TMEM117: variants seen among roughly 807,000 people sequenced by gnomAD.
The protein encoded by TMEM117 is transmembrane protein 117.
In TMEM117, 27 loss-of-function variants were observed where a neutral mutation model predicts 52.4. The observed-to-expected ratio is 0.51, with a 90% CI of 0.38 to 0.71. The LOEUF (loss-of-function observed/expected upper bound fraction) is 0.71, where lower values mean the gene tolerates loss of function less well. Among genes scored for constraint, TMEM117 ranks in the 30% least tolerant of loss-of-function variants. The pLI is 0.00. For missense variants in TMEM117, 556 were observed against 630.5 expected, an observed-to-expected ratio of 0.88 and a Z score of 1.26; for synonymous variants, 215 against 206.3, an observed-to-expected ratio of 1.04 and a Z score of -0.36.
At chr12:44,232,702 G>T (rs1020633308) in intron 5 of TMEM117, among the ~76,000 whole-genome samples, 2 of 151,280 alleles carry the variant, frequency 1.3e-5, no homozygotes, top group East Asian at 3.9e-4. Flanking sequence ...CACATTTTAA[G>T]AATTATGAAC....
chr12:44,317,774 G>A (rs535048265), intron 6 of TMEM117, among the ~76,000 whole-genome samples: 1 of 152,256 alleles, frequency 6.6e-6, no homozygotes, highest in South Asian at 2.1e-4. Context: ...AACGTGAACG[G>A]GTATATATTT....
chr12:43,857,708 T>G (rs1675770), intron 2 of TMEM117, among the ~76,000 whole-genome samples: 150,241 of 152,278 alleles, frequency 0.99, 74,158 homozygotes, highest in East Asian at 1. Context: ...TGATTTGAGA[T>G]GATGCTGCCA....
chr12:43,829,073 T>C, the TMEM117 span, among the ~76,000 whole-genome samples: 1 of 152,152 alleles, frequency 6.6e-6, no homozygotes, highest in Non-Finnish European at 1.5e-5. Context: ...AAGGGCATGC[T>C]ACTGTACCCA....
intron 6 of TMEM117, among the ~76,000 whole-genome samples, chr12:44,336,156 G>A (rs1216896133): frequency 6.6e-6 from 1 of 151,948 alleles, no homozygotes; most frequent in Admixed American, 6.6e-5. Context: ...GTGTTTAAAA[G>A]GACAGATTCT....
Position 43,873,339 on chromosome 12 carries a change from C to T in TMEM117, c.277+28411C>T, listed in dbSNP as rs182744352. On this transcript the variant is annotated intron_variant, in intron 2 of 7. Coordinates refer to ENST00000266534, the MANE Select transcript of TMEM117 (RefSeq NM_032256.3). Reference sequence around the variant, plus strand: ...TTTTAAAAGTTAAGTATTTGAGAATCCACTTTAATCAAAACCTTTTAGTAT... The same window carrying T: ...TTTTAAAAGTTAAGTATTTGAGAATTCACTTTAATCAAAACCTTTTAGTAT... 1.8e-3 allele frequency among the ~76,000 whole-genome samples: 279 copies of T among 152,166 alleles called. 2 individuals carry two copies. Among genetic ancestry groups the T allele is most frequent in the Middle Eastern group, 0.014 (4 of 294 alleles).
rs146778152 is a variant in TMEM117 at position 44,388,581 on chromosome 12, C to T, written c.1454C>T (p.Ser485Leu). The T allele has an allele frequency of 1.5e-5, 25 of 1,613,374 alleles. No homozygotes were observed. Among genetic ancestry groups the T allele is most frequent in the Admixed American group, 3.3e-5 (2 of 59,908 alleles). The change falls in exon 8 of 8, where the codon TCG becomes TTG. Residue 485 changes from serine to leucine, a missense_variant. Physicochemically the swap from Ser to Leu is moderately radical, Grantham distance 145. This residue lies in a region of TMEM117 where 206 missense variants were observed against 211.1 expected (regional missense o/e 0.98). Transcript: ENST00000266534. ...GTCTACAAGTCTTCCCACCTAACCT[C>T]GGAAAACTTGAGCTCACAGTTGAAC... ...EIVYKSSHLT[S>L]ENLSSQLNES...
At chr12:44,083,534 C>T (rs1592501640) in intron 3 of TMEM117, 1 of 151,230 alleles carries the variant, frequency 6.6e-6, no homozygotes, top group East Asian at 1.9e-4. Flanking sequence ...TCTTGAGTAG[C>T]TGGGAGTACA....
At chr12:44,022,971 T>C (rs1157880483) in intron 3 of TMEM117, among the ~76,000 whole-genome samples, 2 of 152,160 alleles carry the variant, frequency 1.3e-5, no homozygotes, top group African/African-American at 4.8e-5. Context: ...ATTATCAGAC[T>C]CCAGTTCAGT....
intron 3 of TMEM117, among the ~76,000 whole-genome samples, chr12:44,118,214 G>A (rs1223319479): frequency 6.6e-6 from 1 of 152,040 alleles, no homozygotes; most frequent in Non-Finnish European, 1.5e-5. Context: ...ATAAATAAAA[G>A]GACAATATTT....
intron 5 of TMEM117, among the ~76,000 whole-genome samples, chr12:44,252,711 T>G (rs534150213): frequency 3.3e-5 from 5 of 152,288 alleles, no homozygotes; most frequent in Non-Finnish European, 5.9e-5. Flanking sequence ...ATGGAATCCC[T>G]TTATCAGTTA....
Position 44,289,222 on chromosome 12 carries a change from A to T in TMEM117, c.609-10358A>T, listed in dbSNP as rs898258872. Among the ~76,000 whole-genome samples the T allele has an allele frequency of 2.7e-4, 33 of 121,354 alleles. No individual in the cohort carries two copies. The East Asian group carries it at 9.6e-3, about 35-fold the overall frequency. 79.6% of individuals were successfully genotyped at this position (121,354 alleles called of 152,430 possible). A position where few individuals can be genotyped will look rare whatever the true frequency, so the allele number is the denominator to read the frequency against. ...CTCTTTTAAGGCTGAATACTATCCC[A>T]TTTTGTGTGTGTGTGTGTGTGTGTG... On this transcript the variant is annotated intron_variant, in intron 5 of 7. Transcript: ENST00000266534.
intron 3 of TMEM117, among the ~76,000 whole-genome samples, chr12:44,125,450 G>A (rs1948309240): frequency 6.6e-6 from 1 of 152,138 alleles, no homozygotes; most frequent in South Asian, 2.1e-4. Flanking sequence ...AAGATGTGTA[G>A]TCCAGGAATT....
At chr12:44,092,767 C>A (rs1947695876) in intron 3 of TMEM117, among the ~76,000 whole-genome samples, 1 of 152,216 alleles carries the variant, frequency 6.6e-6, no homozygotes, top group Non-Finnish European at 1.5e-5. Context: ...CATTCTTTCA[C>A]CAGTAGTTTT....
intron 5 of TMEM117, among the ~76,000 whole-genome samples, chr12:44,276,652 A>G (rs1387089549): frequency 6.6e-6 from 1 of 152,164 alleles, no homozygotes; most frequent in African/African-American, 2.4e-5. Flanking sequence ...CTCCCAAAAA[A>G]ATAAGTCTGA....
rs181283827 is a variant in TMEM117 at position 44,009,653 on chromosome 12, G to A, written c.410+65311G>A. 24 of 238,404 alleles carry A rather than the reference G, an allele frequency of 1.0e-4. 1 individual carries two copies. The Middle Eastern group carries it at 0.012, about 119-fold the overall frequency. The allele number at this position is 238,404 out of a possible 1,614,324, so 14.8% of individuals were successfully genotyped here. On this transcript the variant is annotated intron_variant, in intron 3 of 7. Transcript: ENST00000266534. ...GAACACTCGCTTTGGTTAGGGCTCC[G>A]CTGGTTTATACTTGAAGTCTGGGGT...
chr12:43,900,701 G>C (rs1592346040), intron 2 of TMEM117, among the ~76,000 whole-genome samples: 1 of 139,680 alleles, frequency 7.2e-6, no homozygotes, highest in Non-Finnish European at 1.5e-5. Flanking sequence ...CTGGGCGACA[G>C]AGTGAGACTT....
chr12:44,299,935 C>T (rs1950818689), intron 6 of TMEM117, among the ~76,000 whole-genome samples, 196 bp downstream of exon 6: 1 of 152,064 alleles, frequency 6.6e-6, no homozygotes, highest in Admixed American at 6.5e-5. Flanking sequence ...AGAGGGGCAC[C>T]AAAAATGTAT....
chr12:43,952,720 T>A (rs1945244202), intron 3 of TMEM117, among the ~76,000 whole-genome samples: 1 of 152,094 alleles, frequency 6.6e-6, no homozygotes, highest in East Asian at 1.9e-4. Flanking sequence ...AAAACACACT[T>A]CAGGATATCA....
chr12:44,343,754 T>C (rs934160708), intron 6 of TMEM117, among the ~76,000 whole-genome samples: 3 of 152,288 alleles, frequency 2.0e-5, no homozygotes, highest in African/African-American at 2.4e-5. Flanking sequence ...TAAAATAAAA[T>C]GTTAAAATCA....
Sources: gnomAD v4.1 joint callset for allele counts (sites outside exome capture counted in the v4.1 genomes callset) on GRCh38, gnomAD v4.1.1 for gene constraint, gnomAD v4.1.1 regional missense constraint, MANE v1.5 for transcripts, NCBI Gene and HGNC (gene_info 2026-07-23, HGNC 2026-07-21) for gene names.